The following TSHZ3 variants were observed in gnomAD, a reference collection of about 807,000 sequenced individuals.
TSHZ3 encodes teashirt homolog 3.
In TSHZ3, 10 loss-of-function variants were observed where a neutral mutation model predicts 64.5. The observed-to-expected ratio is 0.16, with a 90% CI of 0.10 to 0.26. TSHZ3 has a LOEUF of 0.26. Ranked by LOEUF, TSHZ3 falls within the 10% of genes least tolerant of loss-of-function variation. The probability of loss-of-function intolerance (pLI) is 1.00; values close to 1 mark genes in which losing one functional copy is unlikely to be tolerated. For missense variants in TSHZ3, 1,242 were observed against 1,421.7 expected (o/e 0.87, Z 2.03); for synonymous variants, 608 against 593.1 (o/e 1.03, Z -0.36).
At chr19:31,193,737 A>G (rs1048173161) in intron 5 of TSHZ3, among the ~76,000 whole-genome samples, 1 of 152,194 alleles carries the variant, frequency 6.6e-6, no homozygotes, top group African/African-American at 2.4e-5. Flanking sequence ...TATGATGTGG[A>G]TAACTGGAGA....
intron 1 of TSHZ3, among the ~76,000 whole-genome samples, chr19:31,347,762 G>T (rs2021559473): frequency 6.6e-6 from 1 of 152,152 alleles, no homozygotes; most frequent in Admixed American, 6.5e-5. Flanking sequence ...GAGATTTTCT[G>T]AAGACACTGG....
chr19:31,167,751 T>G (rs1352516973), intron 5 of TSHZ3: 1 of 152,174 alleles, frequency 6.6e-6, no homozygotes, highest in African/African-American at 2.4e-5. Context: ...CCTTGGAAAT[T>G]TGGACCCTTT....
At chr19:31,153,392 T>C (rs978938803) in intron 6 of TSHZ3, among the ~76,000 whole-genome samples, 3 of 152,262 alleles carry the variant, frequency 2.0e-5, no homozygotes, top group South Asian at 4.1e-4. Flanking sequence ...ATCTTACTTA[T>C]AGAGAAAGGA....
chr19:31,172,059 A>T (rs118005172), intron 5 of TSHZ3, among the ~76,000 whole-genome samples: 1 of 152,160 alleles, frequency 6.6e-6, no homozygotes, highest in Non-Finnish European at 1.5e-5. Context: ...CAACCATGAC[A>T]ACTGAGAAAG....
intron 1 of TSHZ3, among the ~76,000 whole-genome samples, chr19:31,290,422 G>T (rs1976543406): frequency 6.6e-6 from 1 of 152,084 alleles, no homozygotes; most frequent in African/African-American, 2.4e-5. Flanking sequence ...GGATGGAATG[G>T]AGGGGGCTTA....
chr19:31,331,540 C>CGACCCTGCTT (rs1288725257), intron 1 of TSHZ3, among the ~76,000 whole-genome samples: 4 of 152,110 alleles, frequency 2.6e-5, no homozygotes, highest in African/African-American at 9.7e-5. Context: ...AACTGCAGCT[C>CGACCCTGCTT]GACCCTGCTT....
chr19:31,282,049 A>G (rs1334722856), intron 1 of TSHZ3, among the ~76,000 whole-genome samples: 1 of 152,194 alleles, frequency 6.6e-6, no homozygotes, highest in Non-Finnish European at 1.5e-5. Context: ...AACCTCTCTT[A>G]TAATCCTCTC....
At chr19:31,289,600 A>G (rs1359667579) in intron 1 of TSHZ3, among the ~76,000 whole-genome samples, 1 of 152,166 alleles carries the variant, frequency 6.6e-6, no homozygotes, top group African/African-American at 2.4e-5. Context: ...GTCCCGCTCC[A>G]TCCCACTGCA....
intron 5 of TSHZ3, among the ~76,000 whole-genome samples, chr19:31,200,843 G>A (rs1391026035): frequency 1.3e-5 from 2 of 151,926 alleles, no homozygotes; most frequent in East Asian, 1.9e-4. Flanking sequence ...GGGGTGCATG[G>A]GAAATCTCTG....
intron 1 of TSHZ3, among the ~76,000 whole-genome samples, chr19:31,336,638 G>T (rs555976216): frequency 6.6e-6 from 1 of 152,134 alleles, no homozygotes; most frequent in Non-Finnish European, 1.5e-5. Flanking sequence ...TGGTCAGCAG[G>T]GTCTCACTCC....
intron 1 of TSHZ3, among the ~76,000 whole-genome samples, chr19:31,299,419 T>C (rs1976718154): frequency 6.6e-6 from 1 of 152,186 alleles, no homozygotes; most frequent in Non-Finnish European, 1.5e-5. Flanking sequence ...GTCACACGTG[T>C]AGCAAGGGTG....
chr19:31,168,259 G>A (rs775742023), intron 5 of TSHZ3, among the ~76,000 whole-genome samples: 11 of 152,074 alleles, frequency 7.2e-5, no homozygotes, highest in South Asian at 2.1e-4. Context: ...ATGAATACGC[G>A]TACGCACCAG....
intron 4 of TSHZ3, among the ~76,000 whole-genome samples, chr19:31,207,906 G>A (rs997705392): frequency 1.3e-5 from 2 of 152,192 alleles, no homozygotes; most frequent in South Asian, 2.1e-4. Context: ...TGGAATATGG[G>A]ACAAGCTATC....
chr19:31,156,331 A>G (rs1974305755), intron 6 of TSHZ3, among the ~76,000 whole-genome samples: 1 of 152,214 alleles, frequency 6.6e-6, no homozygotes, highest in South Asian at 2.1e-4. Context: ...CTTGTGTAAC[A>G]ATAATAATTC....
At chr19:31,213,741 C>A (rs917580564) in intron 4 of TSHZ3, among the ~76,000 whole-genome samples, 1 of 152,054 alleles carries the variant, frequency 6.6e-6, no homozygotes, top group Non-Finnish European at 1.5e-5. Context: ...AAGAAAAAAA[C>A]GCAATGGAGG....
intron 3 of TSHZ3, among the ~76,000 whole-genome samples, chr19:31,233,002 T>C (rs1393351735): frequency 6.6e-6 from 1 of 152,318 alleles, no homozygotes; most frequent in South Asian, 2.1e-4. Context: ...GACTTAAAAC[T>C]ATTATGAATA....
At chr19:31,231,972 A>T (rs1034631027) in intron 3 of TSHZ3, among the ~76,000 whole-genome samples, 1 of 152,138 alleles carries the variant, frequency 6.6e-6, no homozygotes, top group Non-Finnish European at 1.5e-5. Context: ...GCTCTCAGTC[A>T]CAGGCTCCTC....
intron 5 of TSHZ3, among the ~76,000 whole-genome samples, chr19:31,159,618 T>C (rs1974347457): frequency 6.6e-6 from 1 of 152,246 alleles, no homozygotes; most frequent in African/African-American, 2.4e-5. Flanking sequence ...GTGAATGTGC[T>C]TCACCAACTA....
At chr19:31,236,985 C>A (rs1033281177) in intron 3 of TSHZ3, among the ~76,000 whole-genome samples, 1 of 152,160 alleles carries the variant, frequency 6.6e-6, no homozygotes, top group African/African-American at 2.4e-5. Flanking sequence ...CCCGTCTCTA[C>A]TAAAAATACA....
Sources: gnomAD v4.1 joint callset for allele counts (sites outside exome capture counted in the v4.1 genomes callset) on GRCh38, gnomAD v4.1.1 for gene constraint, MANE v1.5 for transcripts, NCBI Gene and HGNC (gene_info 2026-07-23, HGNC 2026-07-21) for gene names.